The following SLC25A21 variants were observed in gnomAD, a reference collection of about 807,000 sequenced individuals.
SLC25A21 encodes mitochondrial 2-oxodicarboxylate carrier.
In SLC25A21, 47 loss-of-function variants were observed where a neutral mutation model predicts 43.8. The ratio of observed to expected loss-of-function variants is 1.07; its 90% confidence interval spans 0.85 to 1.37. SLC25A21 has a LOEUF of 1.37. Ranked by LOEUF, SLC25A21 falls within the 40% of genes most tolerant of loss-of-function variation. The probability of loss-of-function intolerance (pLI) is 0.00; values close to 1 mark genes in which losing one functional copy is unlikely to be tolerated. For synonymous variants in SLC25A21, 131 were observed against 121.3 expected, an observed-to-expected ratio of 1.08 and a Z score of -0.52; for missense variants, 352 against 350.2, an observed-to-expected ratio of 1.00 and a Z score of -0.04.
At chr14:36,687,633 G>A (rs567687619) in intron 7 of SLC25A21, among the ~76,000 whole-genome samples, 1 of 152,302 alleles carries the variant, frequency 6.6e-6, no homozygotes, top group South Asian at 2.1e-4. Context: ...CAGCCTGCTT[G>A]AATCCAGCAT....
intron 7 of SLC25A21, among the ~76,000 whole-genome samples, chr14:36,705,983 T>A (rs1485532121): frequency 6.6e-6 from 1 of 152,222 alleles, no homozygotes; most frequent in Non-Finnish European, 1.5e-5. Context: ...ATGATTATCA[T>A]ACCTTCCCCT....
At chr14:37,025,071 A>T (rs1233705923) in intron 1 of SLC25A21, among the ~76,000 whole-genome samples, 1 of 152,120 alleles carries the variant, frequency 6.6e-6, no homozygotes, top group Non-Finnish European at 1.5e-5. Context: ...AAAAAAAAAT[A>T]GTGACAGGCA....
intron 1 of SLC25A21, among the ~76,000 whole-genome samples, chr14:37,156,904 T>C (rs990708687): frequency 6.6e-6 from 1 of 152,158 alleles, no homozygotes; most frequent in Non-Finnish European, 1.5e-5. Flanking sequence ...AAACACTGAA[T>C]TTAAACTGCA....
chr14:36,794,118 T>C (rs1365505614), intron 3 of SLC25A21, among the ~76,000 whole-genome samples: 2 of 152,008 alleles, frequency 1.3e-5, no homozygotes, highest in Non-Finnish European at 2.9e-5. Context: ...CTTGCATAGA[T>C]AAAGGTCTGT....
intron 3 of SLC25A21, among the ~76,000 whole-genome samples, chr14:36,737,137 G>T (rs1482001937): frequency 6.6e-6 from 1 of 152,158 alleles, no homozygotes; most frequent in African/African-American, 2.4e-5. Context: ...AGAACAAGAA[G>T]ACATGGGCAA....
chr14:36,871,621 T>A (rs1890376585), intron 2 of SLC25A21, among the ~76,000 whole-genome samples: 1 of 152,154 alleles, frequency 6.6e-6, no homozygotes, highest in South Asian at 2.1e-4. Flanking sequence ...AATATTAAAA[T>A]AAATAACATA....
At chr14:36,999,978 A>C (rs1420589122) in intron 1 of SLC25A21, among the ~76,000 whole-genome samples, 1 of 152,236 alleles carries the variant, frequency 6.6e-6, no homozygotes, top group Non-Finnish European at 1.5e-5. Flanking sequence ...TGCCTGACAC[A>C]CATAGCAGAT....
chr14:37,123,039 A>G (rs1440078895), intron 1 of SLC25A21, among the ~76,000 whole-genome samples: 1 of 152,244 alleles, frequency 6.6e-6, no homozygotes, highest in African/African-American at 2.4e-5. Context: ...TAGGACCTGT[A>G]TTCACAGATA....
chr14:36,972,051 T>A (rs1331971786), intron 1 of SLC25A21, among the ~76,000 whole-genome samples: 1 of 152,226 alleles, frequency 6.6e-6, no homozygotes, highest in Non-Finnish European at 1.5e-5. Flanking sequence ...TGTATGATAA[T>A]GGTCCCGTAA....
chr14:36,757,216 C>A (rs1353752456), intron 3 of SLC25A21, among the ~76,000 whole-genome samples: 1 of 152,068 alleles, frequency 6.6e-6, no homozygotes, highest in Non-Finnish European at 1.5e-5. Context: ...CAATATTGCA[C>A]CACTGCTCTC....
Position 37,002,593 on chromosome 14 carries a change from T to C in SLC25A21, c.71-127589A>G, listed in dbSNP as rs367879087. ...TAGCTTGTCTGTAAACTGGGGTTAA[T>C]AGGAGTACATACAGCATAGTAATAG... On this transcript the variant is annotated intron_variant, in intron 1 of 9. Transcript: ENST00000331299. 9.2e-5 allele frequency among the ~76,000 whole-genome samples: 14 copies of C among 152,250 alleles called. No individual in the cohort carries two copies. The East Asian group carries it at 1.4e-3, about 15-fold the overall frequency.
intron 1 of SLC25A21, among the ~76,000 whole-genome samples, chr14:36,964,904 T>C (rs1959578228): frequency 6.6e-6 from 1 of 152,150 alleles, no homozygotes; most frequent in Admixed American, 6.5e-5. Context: ...TTCTGACTTG[T>C]TTTATTAATT....
chr14:37,104,044 CAT>C (rs1341635530), intron 1 of SLC25A21, among the ~76,000 whole-genome samples: 1 of 152,180 alleles, frequency 6.6e-6, no homozygotes, highest in African/African-American at 2.4e-5. Context: ...GGGAGGCCAT[CAT>C]ATAAGGTAAC....
At chr14:36,821,352 G>GT (rs986033952) in intron 2 of SLC25A21, among the ~76,000 whole-genome samples, 1 of 140,650 alleles carries the variant, frequency 7.1e-6, no homozygotes, top group Non-Finnish European at 1.6e-5. Flanking sequence ...TTTGAAGATA[G>GT]TTTTTTTTAG....
At position 37,005,776 on chromosome 14, in the gene SLC25A21, C is replaced by T. The variant is rs79153309; in HGVS notation, c.71-130772G>A. Among the ~76,000 whole-genome samples, 41 of 152,264 alleles carry T rather than the reference C, an allele frequency of 2.7e-4. No homozygotes were observed. In the East Asian group the frequency reaches 6.9e-3, roughly 26 times the overall value. On this transcript the variant is annotated intron_variant, in intron 1 of 9. Coordinates refer to ENST00000331299, the MANE Select transcript of SLC25A21 (RefSeq NM_030631.4). The stretch of plus-strand genomic sequence containing the variant: ...GCATGGGGAATTAAAATGCACCACA[C>T]ACAAAATGGAAAGAACTATAACATA...
rs10607138 is a variant in SLC25A21, at chr14:36,725,476, A to AAAATAAAT, written c.438+86_438+93dup. The AAAATAAAT allele has an allele frequency of 1.7e-3, 602 of 358,940 alleles. 2 individuals are homozygous for AAAATAAAT. Among genetic ancestry groups the AAAATAAAT allele is most frequent in the East Asian group, 5.2e-3 (47 of 9,000 alleles). 22.2% of individuals were successfully genotyped at this position (358,940 alleles called of 1,614,324 possible). A position where few individuals can be genotyped will look rare whatever the true frequency, so the allele number is the denominator to read the frequency against. On this transcript the variant is annotated intron_variant, in intron 6 of 9. Coordinates refer to ENST00000331299, the MANE Select transcript of SLC25A21 (RefSeq NM_030631.4). ...GGCAACAAGAGCAAAACTCTGTCCC[A>AAAATAAAT]AAATAAATAAATAAATAAATAAATA...
intron 1 of SLC25A21, among the ~76,000 whole-genome samples, chr14:36,935,716 G>A (rs1050200115): frequency 2.0e-5 from 3 of 152,046 alleles, no homozygotes; most frequent in African/African-American, 7.2e-5. Context: ...GGGGTGGGAT[G>A]GGCATCTTTC....
chr14:36,949,671 C>T (rs1892758992), intron 1 of SLC25A21, among the ~76,000 whole-genome samples: 2 of 151,978 alleles, frequency 1.3e-5, no homozygotes, highest in Non-Finnish European at 2.9e-5. Flanking sequence ...TTTATTTTTA[C>T]TGTTATTGCC....
intron 2 of SLC25A21, among the ~76,000 whole-genome samples, chr14:36,854,429 A>G (rs1889837560): frequency 1.3e-5 from 2 of 152,276 alleles, no homozygotes; most frequent in South Asian, 4.1e-4. Context: ...ATAGATGTTA[A>G]CTGCTTGTAT....
Sources: allele counts gnomAD v4.1 joint callset (sites outside exome capture counted in the v4.1 genomes callset), GRCh38; gene constraint gnomAD v4.1.1; transcripts MANE v1.5; gene names NCBI Gene and HGNC (gene_info 2026-07-23, HGNC 2026-07-21).